LRP1B: variants seen among roughly 807,000 people sequenced by gnomAD.
The protein encoded by LRP1B is LDL receptor related protein 1B.
In LRP1B, 217 loss-of-function variants were observed where a neutral mutation model predicts 556.6. The observed-to-expected ratio is 0.39, with a 90% CI of 0.35 to 0.44. LRP1B has a LOEUF of 0.44. Among genes scored for constraint, LRP1B ranks in the 20% least tolerant of loss-of-function variants. LRP1B has a pLI of 1.00. For synonymous variants in LRP1B, 2,047 were observed against 1,865.8 expected (o/e 1.10, Z -2.50); for missense variants, 5,053 against 5,620.8 (o/e 0.90, Z 3.23).
intron 3 of LRP1B, among the ~76,000 whole-genome samples, chr2:141,433,600 A>T (rs1324187354): frequency 1.3e-5 from 2 of 152,060 alleles, no homozygotes; most frequent in African/African-American, 4.8e-5. Flanking sequence ...ATGTCATTTC[A>T]CTATCTAATG....
At chr2:141,332,598 G>C (rs1475240394) in intron 3 of LRP1B, among the ~76,000 whole-genome samples, 1 of 151,632 alleles carries the variant, frequency 6.6e-6, no homozygotes, top group Non-Finnish European at 1.5e-5. Context: ...CACTGTTCTG[G>C]GTTCTGTCTG....
chr2:140,567,405 T>C (rs1295946234), intron 43 of LRP1B, among the ~76,000 whole-genome samples: 1 of 152,156 alleles, frequency 6.6e-6, no homozygotes, highest in Admixed American at 6.5e-5. Flanking sequence ...GATTCCCAAA[T>C]TCAGCCATAC....
At chr2:141,923,268 C>T (rs376240426) in intron 1 of LRP1B, among the ~76,000 whole-genome samples, 28 of 151,520 alleles carry the variant, frequency 1.8e-4, no homozygotes, top group African/African-American at 5.6e-4. Context: ...TGACTTGCCA[C>T]CTCTACAGAT....
At chr2:140,561,605 C>T (rs1463732627) in intron 43 of LRP1B, among the ~76,000 whole-genome samples, 2 of 151,714 alleles carry the variant, frequency 1.3e-5, no homozygotes, top group South Asian at 2.1e-4. Context: ...TTCAGCCCGA[C>T]AGAATGAAGG....
In LRP1B at chr2:140,702,157, T is replaced by C. The variant is rs1466791138; in HGVS notation, c.6286A>G (p.Ile2096Val). The change falls in exon 39 of 91, where the codon ATC becomes GTC. Residue 2096 changes from isoleucine to valine, a missense_variant. Coordinates refer to ENST00000389484, the MANE Select transcript of LRP1B (RefSeq NM_018557.3). ...ATAAATTACCTGTCAGACCAGTAGA[T>C]GTAAGCCCCAAAGACTGCAACTGAA... ...MFSVAVFGAY[I>V]YWSDRAHANG... 3.7e-6 allele frequency: 6 copies of C among 1,613,188 alleles called. No homozygotes were observed. The highest frequency in any genetic ancestry group is 1.7e-5 in the Admixed American group (1 of 59,846).
chr2:141,977,326 CTT>C (rs973021681), intron 1 of LRP1B, among the ~76,000 whole-genome samples: 8 of 152,146 alleles, frequency 5.3e-5, no homozygotes, highest in African/African-American at 1.9e-4. Context: ...AATCCCAGCA[CTT>C]TGGGAGGCCA....
intron 84 of LRP1B, among the ~76,000 whole-genome samples, chr2:140,287,847 C>T (rs1298826317): frequency 6.6e-6 from 1 of 151,636 alleles, no homozygotes; most frequent in Non-Finnish European, 1.5e-5. Flanking sequence ...AAATTATTGT[C>T]TGTCTCTGGC....
At chr2:141,520,370 T>A (rs1392242661) in intron 2 of LRP1B, among the ~76,000 whole-genome samples, 1 of 152,172 alleles carries the variant, frequency 6.6e-6, no homozygotes, top group African/African-American at 2.4e-5. Context: ...CAAAAGGCCC[T>A]GACTAAAGCC....
intron 46 of LRP1B, among the ~76,000 whole-genome samples, chr2:140,536,017 T>C (rs1321301568): frequency 6.6e-6 from 1 of 152,150 alleles, no homozygotes; most frequent in African/African-American, 2.4e-5. Flanking sequence ...GGTGAAACTC[T>C]GCTTCAGAGT....
intron 25 of LRP1B, among the ~76,000 whole-genome samples, chr2:140,868,604 T>G (rs992584941): frequency 6.6e-5 from 10 of 151,984 alleles, no homozygotes; most frequent in Non-Finnish European, 1.5e-4. Context: ...ATAAAGAGCA[T>G]GGCAAGTAGA....
chr2:141,268,207 C>T (rs1684962182), intron 3 of LRP1B, among the ~76,000 whole-genome samples: 1 of 152,140 alleles, frequency 6.6e-6, no homozygotes, highest in Admixed American at 6.5e-5. Context: ...ATATTCTTCA[C>T]TTATGCACTT....
intron 23 of LRP1B, among the ~76,000 whole-genome samples, chr2:140,900,291 C>T (rs560849020): frequency 3.9e-5 from 6 of 152,220 alleles, no homozygotes; most frequent in Admixed American, 2.0e-4. Context: ...CCAAAACAAA[C>T]ATCTGGAGCC....
At chr2:141,501,456 G>T (rs930785886) in intron 2 of LRP1B, among the ~76,000 whole-genome samples, 5 of 152,104 alleles carry the variant, frequency 3.3e-5, no homozygotes, top group Admixed American at 1.3e-4. Flanking sequence ...CCTGTAAATA[G>T]CTTCCAGTGT....
At chr2:140,909,350 T>C (rs1694350037) in intron 21 of LRP1B, among the ~76,000 whole-genome samples, 1 of 152,094 alleles carries the variant, frequency 6.6e-6, no homozygotes, top group African/African-American at 2.4e-5. Context: ...TATTTAAATG[T>C]CTTCTTAAGT....
chr2:140,747,962 G>T (rs1034773629), intron 35 of LRP1B, among the ~76,000 whole-genome samples: 4 of 150,990 alleles, frequency 2.6e-5, no homozygotes, highest in African/African-American at 9.7e-5. Context: ...CGGGTTTATT[G>T]TTCCATGCCA....
chr2:140,849,337 G>A (rs1230131962), intron 29 of LRP1B, among the ~76,000 whole-genome samples: 4 of 149,062 alleles, frequency 2.7e-5, no homozygotes, highest in African/African-American at 7.4e-5. Context: ...GTGCCACTGC[G>A]CTGCAGCCTG....
At chr2:141,696,712 A>G (rs1042878798) in intron 2 of LRP1B, among the ~76,000 whole-genome samples, 3 of 151,972 alleles carry the variant, frequency 2.0e-5, no homozygotes, top group African/African-American at 7.2e-5. Flanking sequence ...AAGAACCACT[A>G]TAGTGATTAA....
intron 7 of LRP1B, among the ~76,000 whole-genome samples, chr2:141,168,705 C>G (rs1244747685): frequency 6.6e-6 from 1 of 151,816 alleles, no homozygotes; most frequent in African/African-American, 2.4e-5. Flanking sequence ...AATCAGGAAC[C>G]CTAGAGAGAG....
At chr2:141,049,307 A>G (rs1382439491) in intron 10 of LRP1B, 85 bp from the exon 11 acceptor site, 1 of 860,912 alleles carries the variant, frequency 1.2e-6, no homozygotes. Flanking sequence ...AACTGGCACA[A>G]TTAGCGTTTT....
Sources: gnomAD v4.1 joint callset for allele counts (sites outside exome capture counted in the v4.1 genomes callset) on GRCh38, gnomAD v4.1.1 for gene constraint, MANE v1.5 for transcripts, NCBI Gene and HGNC (gene_info 2026-07-23, HGNC 2026-07-21) for gene names.